HDGFL3: variants seen among roughly 807,000 people sequenced by gnomAD.
HDGFL3 encodes the protein HDGF like 3.
A neutral mutation model predicts 27.6 loss-of-function variants in HDGFL3; 6 were observed. The ratio of observed to expected loss-of-function variants is 0.22; its 90% confidence interval spans 0.12 to 0.43. The LOEUF is 0.43. Ranked by LOEUF, HDGFL3 falls within the 20% of genes least tolerant of loss-of-function variation. The probability of loss-of-function intolerance (pLI) is 1.00; values close to 1 mark genes in which losing one functional copy is unlikely to be tolerated. For synonymous variants in HDGFL3, 88 were observed against 88.9 expected, an observed-to-expected ratio of 0.99 and a Z score of 0.05; for missense variants, 207 against 250.1, an observed-to-expected ratio of 0.83 and a Z score of 1.16.
chr15:83,152,682 C>T (rs1055787326), intron 4 of HDGFL3, among the ~76,000 whole-genome samples: 27 of 116,042 alleles, frequency 2.3e-4, no homozygotes, highest in Admixed American at 7.0e-4. Context: ...GACTCTGTCT[C>T]GAAAAAAAAA....
At position 83,136,431 on chromosome 15, in the gene HDGFL3, A is replaced by G. The variant is rs1209222137; in HGVS notation, c.*2839T>C. On this transcript the variant is annotated 3_prime_UTR_variant, in exon 6 of 6. Transcript: ENST00000299633. ...ACCATTCAGAACTCATCATGCATCC[A>G]ACTGAACACGTTTCATGCTTACTCA... 1 of 1,506,882 alleles carries G rather than the reference A, an allele frequency of 6.6e-7. No individual in the cohort carries two copies. The highest frequency in any genetic ancestry group is 2.2e-5 in the Admixed American group (1 of 44,654). The allele number at this position is 1,506,882 out of a possible 1,614,324, so 93.3% of individuals were successfully genotyped here. A position where few individuals can be genotyped will look rare whatever the true frequency, so the allele number is the denominator to read the frequency against.
chr15:83,206,283 A>G (rs1265932473), intron 1 of HDGFL3, among the ~76,000 whole-genome samples: 1 of 152,176 alleles, frequency 6.6e-6, no homozygotes, highest in Non-Finnish European at 1.5e-5. Flanking sequence ...TAGAGCTCAC[A>G]CTATATTTAT....
chr15:83,154,257 G>GC (rs2037000728), intron 4 of HDGFL3, among the ~76,000 whole-genome samples: 1 of 151,558 alleles, frequency 6.6e-6, no homozygotes. Flanking sequence ...GGCAGCTTGA[G>GC]CCCAGGGGGC....
At chr15:83,127,390 C>A, downstream of HDGFL3, 1 of 1,613,910 alleles carries the variant, frequency 6.2e-7, no homozygotes, top group Non-Finnish European at 8.5e-7. Flanking sequence ...CTGTTCCTTA[C>A]TTTGTGACTG....
At chr15:83,170,179 A>G (rs2151409712) in intron 1 of HDGFL3, among the ~76,000 whole-genome samples, 1 of 152,336 alleles carries the variant, frequency 6.6e-6, no homozygotes, top group African/African-American at 2.4e-5. Context: ...GTTCCTATCA[A>G]ACTACCAAGA....
At chr15:83,146,568 T>C (rs1352201565) in intron 5 of HDGFL3, among the ~76,000 whole-genome samples, 1 of 152,244 alleles carries the variant, frequency 6.6e-6, no homozygotes, top group Non-Finnish European at 1.5e-5. Flanking sequence ...CCATGGTCCA[T>C]TGTTATAATC....
At position 83,152,816 on chromosome 15, in the gene HDGFL3, T is replaced by C. The variant is rs557573926; in HGVS notation, c.460-1455A>G. Among the ~76,000 whole-genome samples the C allele has an allele frequency of 6.6e-5, 10 of 152,236 alleles. No homozygotes were observed. In the East Asian group the frequency reaches 1.9e-3, roughly 29 times the overall value. On this transcript the variant is annotated intron_variant, in intron 4 of 5. Coordinates refer to ENST00000299633, the MANE Select transcript of HDGFL3 (RefSeq NM_016073.4). Reference sequence around the variant, plus strand: ...AAATGTCAGTTTAAAATGTGATTTTTACTTTTTACATGAAGGGAAACAGGG... The same window carrying C: ...AAATGTCAGTTTAAAATGTGATTTTCACTTTTTACATGAAGGGAAACAGGG...
At chr15:83,116,834 C>CTAAG (rs1325246687) in intron 3 of HDGFL3, among the ~76,000 whole-genome samples, 1 of 152,130 alleles carries the variant, frequency 6.6e-6, no homozygotes, top group African/African-American at 2.4e-5. Flanking sequence ...AGGATGAGGC[C>CTAAG]TAAGACAGTG....
Position 83,171,757 on chromosome 15 carries a change from G to A in HDGFL3, c.85-7682C>T, listed in dbSNP as rs536657739. On this transcript the variant is annotated intron_variant, in intron 1 of 5. Coordinates refer to ENST00000299633, the MANE Select transcript of HDGFL3 (RefSeq NM_016073.4). The stretch of plus-strand genomic sequence containing the variant: ...ACTCCAAAAGGGGATGGGAGGGAGG[G>A]GGACAAGGGATGAAAACCTAACCAT... Among the ~76,000 whole-genome samples the A allele has an allele frequency of 2.6e-5, 4 of 152,142 alleles. No individual in the cohort carries two copies. The East Asian group carries it at 7.7e-4, about 29-fold the overall frequency.
intron 1 of HDGFL3, chr15:83,185,152 T>C (rs928424964): frequency 2.6e-5 from 4 of 152,262 alleles, no homozygotes; most frequent in Admixed American, 2.0e-4. Context: ...GCCTCCCGAG[T>C]AGCTGGGATT....
Position 83,164,092 on chromosome 15 carries a change from T to G in HDGFL3, c.85-17A>C. On this transcript the variant is annotated splice_polypyrimidine_tract_variant and intron_variant, in intron 1 of 5. Transcript: ENST00000299633. ...TTCATCAATCTATGAAAGATACATTTAGTTACTGAGTGAGTGGTTATCATA... is the reference window on the plus strand; with the variant it reads ...TTCATCAATCTATGAAAGATACATTGAGTTACTGAGTGAGTGGTTATCATA... The G allele has an allele frequency of 6.5e-7, 1 of 1,529,300 alleles. No homozygotes were observed. The highest frequency in any genetic ancestry group is 8.9e-7 in the Non-Finnish European group (1 of 1,118,730). The allele number at this position is 1,529,300 out of a possible 1,614,324, so 94.7% of individuals were successfully genotyped here.
At chr15:83,113,237 T>TA in exon 4 of HDGFL3, 3 of 384,954 alleles carry the variant, frequency 7.8e-6, no homozygotes, top group African/African-American at 2.0e-5. Context: ...CTACTAGCAG[T>TA]CCCCCCCACT....
chr15:83,155,849 T>C (rs1404726792), intron 4 of HDGFL3, among the ~76,000 whole-genome samples: 1 of 152,244 alleles, frequency 6.6e-6, no homozygotes, highest in Non-Finnish European at 1.5e-5. Context: ...TAGTGAAACC[T>C]GTACCAATCT....
Position 83,207,507 on chromosome 15 carries a change from G to A in HDGFL3, c.-93C>T, listed in dbSNP as rs1215623873. 1 of 1,028,300 alleles carries A rather than the reference G, an allele frequency of 9.7e-7. No homozygotes were observed. The highest frequency in any genetic ancestry group is 1.3e-6 in the Non-Finnish European group (1 of 799,312). 63.7% of individuals were successfully genotyped at this position (1,028,300 alleles called of 1,614,324 possible). A position where few individuals can be genotyped will look rare whatever the true frequency, so the allele number is the denominator to read the frequency against. On this transcript the variant is annotated 5_prime_UTR_variant, in exon 1 of 6. Transcript: ENST00000299633. This position sits in a 1 kb window ranked among gnomAD's most constrained non-coding sequence, Gnocchi z 4.8. ...GCCGACGAATTGCGCCGCGCTCCCC[G>A]CGGGCCTCAAGCCGGGCGGACGAGC...
rs531026392 is a variant in HDGFL3, at chr15:83,182,160, G to A, written c.85-18085C>T. Among the ~76,000 whole-genome samples, 12 of 151,758 alleles carry A rather than the reference G, an allele frequency of 7.9e-5. No homozygotes were observed. The South Asian group carries it at 1.7e-3, about 21-fold the overall frequency. Reference sequence around the variant, plus strand: ...TTTATGGCTAGTCTTTTAAATTTTAGTCATTCTAGTAGGCATGAAGTAGTA... The same window carrying A: ...TTTATGGCTAGTCTTTTAAATTTTAATCATTCTAGTAGGCATGAAGTAGTA... On this transcript the variant is annotated intron_variant, in intron 1 of 5. Coordinates refer to ENST00000299633, the MANE Select transcript of HDGFL3 (RefSeq NM_016073.4).
Position 83,207,315 on chromosome 15 carries a change from C to G in HDGFL3, c.84+16G>C. ...AATGGTGGGCGGGCGGGCCCGCGCG[C>G]GGCCGCGGTACTCACCCGGGCCGGC... On this transcript the variant is annotated intron_variant, in intron 1 of 5. Transcript: ENST00000299633. The surrounding 1 kb of genome is among the most constrained non-coding windows in gnomAD (Gnocchi z 4.8). 7.4e-7 allele frequency: 1 copy of G among 1,344,410 alleles called. No homozygotes were observed. The highest frequency in any genetic ancestry group is 9.6e-7 in the Non-Finnish European group (1 of 1,042,668). 83.3% of individuals were successfully genotyped at this position (1,344,410 alleles called of 1,614,324 possible).
downstream of HDGFL3, among the ~76,000 whole-genome samples, chr15:83,125,187 G>A (rs771177280): frequency 3.9e-5 from 6 of 152,316 alleles, no homozygotes; most frequent in African/African-American, 9.6e-5. Flanking sequence ...TGAGGAAGGC[G>A]TACCAGTTCA....
chr15:83,165,105 CTGGT>C (rs2151406192), intron 1 of HDGFL3, among the ~76,000 whole-genome samples: 1 of 152,354 alleles, frequency 6.6e-6, no homozygotes, highest in Non-Finnish European at 1.5e-5. Flanking sequence ...GAAATGCTTT[CTGGT>C]TATACGCCAG....
chr15:83,185,692 C>T lies in HDGFL3; in HGVS notation c.85-21617G>A, dbSNP rs192481325. On this transcript the variant is annotated intron_variant, in intron 1 of 5. Coordinates refer to ENST00000299633, the MANE Select transcript of HDGFL3 (RefSeq NM_016073.4). ...TTGAGAAGTGAAGATGAGATAATCC[C>T]AGGAACACTGGTGATGGAGGTGGCA... 1.1e-3 allele frequency among the ~76,000 whole-genome samples: 160 copies of T among 152,282 alleles called. 1 individual carries two copies. The highest frequency in any genetic ancestry group is 3.5e-3 in the African/African-American group (144 of 41,556).
Sources: allele counts gnomAD v4.1 joint callset (sites outside exome capture counted in the v4.1 genomes callset), GRCh38; gene constraint gnomAD v4.1.1; non-coding constraint Gnocchi (gnomAD v3.1); transcripts MANE v1.5; gene names NCBI Gene and HGNC (gene_info 2026-07-23, HGNC 2026-07-21).